Variants in ASAP1 observed in about 807,000 individuals in gnomAD.
ASAP1 encodes the protein ArfGAP with SH3 domain, ankyrin repeat and PH domain 1.
ASAP1 carries 43 observed loss-of-function variants against 145.2 expected under a neutral mutation model. The ratio of observed to expected loss-of-function variants is 0.30; its 90% CI spans 0.23 to 0.38. The LOEUF is 0.38. ASAP1 is among the 10% of genes least tolerant of loss of function. The pLI, the probability that ASAP1 is intolerant of heterozygous loss-of-function variation, is 1.00. For missense variants in ASAP1, 1,018 were observed against 1,355.3 expected (o/e 0.75, Z 3.91); for synonymous variants, 546 against 515.5 (o/e 1.06, Z -0.80).
intron 24 of ASAP1, among the ~76,000 whole-genome samples, chr8:130,109,133 T>C (rs972561113): frequency 2.0e-5 from 3 of 152,158 alleles, no homozygotes; most frequent in Admixed American, 6.5e-5. Context: ...GGGAAGCTAC[T>C]GATCACAAAC....
intron 3 of ASAP1, among the ~76,000 whole-genome samples, chr8:130,341,139 C>T (rs967412467): frequency 3.4e-4 from 51 of 151,972 alleles, no homozygotes; most frequent in Non-Finnish European, 2.2e-4. Context: ...AAGGTAAAGT[C>T]GACACAAAAC....
intron 3 of ASAP1, among the ~76,000 whole-genome samples, chr8:130,356,169 G>T (rs1262133371): frequency 6.6e-6 from 1 of 152,158 alleles, no homozygotes; most frequent in Non-Finnish European, 1.5e-5. Context: ...CTACTACAGG[G>T]TTGCTGGAAA....
At chr8:130,148,703 TTC>T (rs1313300613) in intron 13 of ASAP1, among the ~76,000 whole-genome samples, 2 of 152,358 alleles carry the variant, frequency 1.3e-5, no homozygotes, top group South Asian at 2.1e-4. Context: ...TTCTTATACT[TTC>T]TGTTGTAATT....
chr8:130,084,335 G>A (rs554266962), intron 25 of ASAP1: 1 of 152,300 alleles, frequency 6.6e-6, no homozygotes, highest in East Asian at 1.9e-4. Flanking sequence ...AAATAAAATA[G>A]TACTGAAAAG....
At chr8:130,065,019 C>A (rs1275742404) in intron 27 of ASAP1, among the ~76,000 whole-genome samples, 1 of 151,730 alleles carries the variant, frequency 6.6e-6, no homozygotes. Context: ...GGACTACAGG[C>A]CTGTGTCACC....
chr8:130,416,131 G>C (rs1297014007), intron 1 of ASAP1, among the ~76,000 whole-genome samples: 4 of 152,108 alleles, frequency 2.6e-5, no homozygotes, highest in African/African-American at 9.7e-5. Context: ...GCTAAGCCTG[G>C]ATGCAGCTGA....
chr8:130,070,580 C>T (rs2097440987), intron 27 of ASAP1, among the ~76,000 whole-genome samples: 1 of 151,796 alleles, frequency 6.6e-6, no homozygotes, highest in South Asian at 2.1e-4. Context: ...TTGAGCACCT[C>T]CCAGCAACAA....
intron 3 of ASAP1, among the ~76,000 whole-genome samples, chr8:130,264,880 G>A (rs1025712202): frequency 1.3e-5 from 2 of 151,984 alleles, no homozygotes; most frequent in African/African-American, 4.8e-5. Context: ...TGGAGAAGGT[G>A]GCATTTCACC....
At chr8:130,236,864 C>G (rs1818244597) in intron 4 of ASAP1, 58 bp downstream of exon 4, 4 of 1,254,004 alleles carry the variant, frequency 3.2e-6, no homozygotes, top group Admixed American at 4.5e-5. Context: ...AAATAACTAA[C>G]AAAACTCTGT....
intron 3 of ASAP1, among the ~76,000 whole-genome samples, chr8:130,276,728 A>ACACACTCTCTCTCTCTCT (rs548512902): frequency 1.2e-3 from 106 of 87,294 alleles, no homozygotes; most frequent in East Asian, 4.0e-3. Context: ...ACACACACAC[A>ACACACTCTCTCTCTCTCT]CTCTCTCTCT....
In ASAP1 at chr8:130,139,546, C is replaced by T. The variant is rs563769668; in HGVS notation, c.1081-2508G>A. Among the ~76,000 whole-genome samples the T allele has an allele frequency of 1.4e-4, 21 of 152,058 alleles. No individual in the cohort carries two copies. In the South Asian group the frequency reaches 2.1e-3, roughly 15 times the overall value. ...TTCAAGACCAGCCTGGCCAACGTGG[C>T]GAAACCCCGTTGTCTCTACTGAAAA... On this transcript the variant is annotated intron_variant, in intron 13 of 29. Transcript: ENST00000518721.
At chr8:130,357,927 C>A in intron 3 of ASAP1, 90 bp downstream of exon 3, 1 of 1,486,292 alleles carries the variant, frequency 6.7e-7, no homozygotes. Flanking sequence ...CCGGCCCCCG[C>A]GTCCCCTTCC....
rs73417951 is a variant in ASAP1, at chr8:130,356,140, G to A, written c.186+1877C>T. ...AAACTAACATCAACAGCAACTGCATGTAATTTAACATTAACCCTCTACTAC... is the reference window on the plus strand; with the variant it reads ...AAACTAACATCAACAGCAACTGCATATAATTTAACATTAACCCTCTACTAC... On this transcript the variant is annotated intron_variant, in intron 3 of 29. Transcript: ENST00000518721. 6.2e-3 allele frequency among the ~76,000 whole-genome samples: 943 copies of A among 152,280 alleles called. 8 individuals carry two copies. Among genetic ancestry groups the A allele is most frequent in the African/African-American group, 0.022 (914 of 41,540 alleles).
intron 27 of ASAP1, among the ~76,000 whole-genome samples, chr8:130,066,553 T>G (rs1171389896): frequency 6.6e-6 from 1 of 152,120 alleles, no homozygotes; most frequent in Non-Finnish European, 1.5e-5. Context: ...CTTTCTTTTC[T>G]TTCTCATTCT....
chr8:130,382,983 G>A (rs986150748), intron 2 of ASAP1, among the ~76,000 whole-genome samples: 1 of 152,218 alleles, frequency 6.6e-6, no homozygotes, highest in Admixed American at 6.5e-5. Flanking sequence ...GAGTGGATAA[G>A]GAAGTCCCAG....
At chr8:130,401,732 A>G (rs1586979269) in intron 2 of ASAP1, among the ~76,000 whole-genome samples, 153 bp downstream of exon 2, 1 of 152,234 alleles carries the variant, frequency 6.6e-6, no homozygotes, top group African/African-American at 2.4e-5. Flanking sequence ...TACAAATGCT[A>G]GAGATCTGTT....
chr8:130,079,194 CAAAA>C (rs1370905445), intron 26 of ASAP1, among the ~76,000 whole-genome samples: 2 of 151,938 alleles, frequency 1.3e-5, no homozygotes, highest in Admixed American at 1.3e-4. Flanking sequence ...GGCCCTATCT[CAAAA>C]AAAGAGAGAT....
chr8:130,289,393 T>A (rs1345802329), intron 3 of ASAP1, among the ~76,000 whole-genome samples: 1 of 152,212 alleles, frequency 6.6e-6, no homozygotes, highest in Non-Finnish European at 1.5e-5. Context: ...TTCCAAAGTA[T>A]GTGTGTTACT....
intron 3 of ASAP1, among the ~76,000 whole-genome samples, chr8:130,253,012 TC>T (rs1819298550): frequency 2.0e-5 from 3 of 152,182 alleles, no homozygotes; most frequent in Non-Finnish European, 4.4e-5. Context: ...TCCTATAATG[TC>T]CTAATAAACC....
Sources: allele counts gnomAD v4.1 joint callset (sites outside exome capture counted in the v4.1 genomes callset), GRCh38; gene constraint gnomAD v4.1.1; transcripts MANE v1.5; gene names NCBI Gene and HGNC (gene_info 2026-07-23, HGNC 2026-07-21).